PDE11A: variants seen among roughly 807,000 people sequenced by gnomAD.
PDE11A encodes the protein dual 3',5'-cyclic-AMP and -GMP phosphodiesterase 11A.
In PDE11A, 100 loss-of-function variants were observed where a neutral mutation model predicts 100.5. The ratio of observed to expected loss-of-function variants is 1.00; its 90% confidence interval spans 0.85 to 1.18. The LOEUF (loss-of-function observed/expected upper bound fraction) is 1.18. Among genes scored for constraint, PDE11A ranks in the 50% most tolerant of loss-of-function variants. The pLI, the probability that PDE11A is intolerant of heterozygous loss-of-function variation, is 0.00. For synonymous variants in PDE11A, 381 were observed against 420.8 expected, an observed-to-expected ratio of 0.91 and a Z score of 1.16; for missense variants, 1,141 against 1,152.6, an observed-to-expected ratio of 0.99 and a Z score of 0.15.
At chr2:177,717,630 A>G (rs1447909495) in intron 12 of PDE11A, among the ~76,000 whole-genome samples, 2 of 152,200 alleles carry the variant, frequency 1.3e-5, no homozygotes, top group Non-Finnish European at 2.9e-5. Context: ...GTAAAGAGTC[A>G]GCCAGGGCAT....
At chr2:177,836,600 T>C (rs551460028) in intron 6 of PDE11A, among the ~76,000 whole-genome samples, 2 of 152,330 alleles carry the variant, frequency 1.3e-5, no homozygotes, top group East Asian at 1.9e-4. Flanking sequence ...TTGGGTTCCC[T>C]ACCCCAGTGT....
chr2:177,899,270 C>T (rs1175082792), intron 3 of PDE11A, among the ~76,000 whole-genome samples: 2 of 152,040 alleles, frequency 1.3e-5, no homozygotes, highest in Non-Finnish European at 2.9e-5. Flanking sequence ...TTTAGCCAGG[C>T]ATGGTGGCAT....
chr2:178,078,471 T>TACATTC (rs3067450), intron 2 of PDE11A, among the ~76,000 whole-genome samples: 131,019 of 151,660 alleles, frequency 0.86, 57,208 homozygotes, highest in Non-Finnish European at 0.92. Context: ...GAAGCCCACC[T>TACATTC]ATAGTTGTAT....
intron 1 of PDE11A, among the ~76,000 whole-genome samples, chr2:178,065,934 A>G (rs932905275): frequency 2.0e-5 from 3 of 151,854 alleles, no homozygotes; most frequent in African/African-American, 7.2e-5. Flanking sequence ...TGAAGTACTA[A>G]ATATTGTTAT....
chr2:177,773,324 T>A (rs372737358), intron 9 of PDE11A, among the ~76,000 whole-genome samples: 2 of 152,218 alleles, frequency 1.3e-5, no homozygotes, highest in African/African-American at 4.8e-5. Flanking sequence ...CTTTCTAAAA[T>A]TTTTTTACTG....
At chr2:177,925,129 T>A (rs2085109155) in intron 2 of PDE11A, among the ~76,000 whole-genome samples, 1 of 150,634 alleles carries the variant, frequency 6.6e-6, no homozygotes, top group African/African-American at 2.4e-5. Flanking sequence ...CAGTCTATCA[T>A]TGTTGGACAT....
At chr2:177,885,378 G>A (rs544187127) in intron 4 of PDE11A, among the ~76,000 whole-genome samples, 153 of 152,212 alleles carry the variant, frequency 1.0e-3, no homozygotes, top group Non-Finnish European at 1.9e-3. Flanking sequence ...CATATCTGTG[G>A]GTTCTGCAGG....
At chr2:177,781,192 G>A (rs2365891) in intron 9 of PDE11A, among the ~76,000 whole-genome samples, 3,126 of 152,274 alleles carry the variant, frequency 0.021, 96 homozygotes, top group African/African-American at 0.071. Flanking sequence ...GAGGCCCAAG[G>A]AAAGGGAGAG....
chr2:177,942,819 G>C (rs549730526), intron 2 of PDE11A, among the ~76,000 whole-genome samples: 1 of 152,202 alleles, frequency 6.6e-6, no homozygotes, highest in East Asian at 1.9e-4. Flanking sequence ...CAGACCTTTA[G>C]AACTTTTATC....
intron 2 of PDE11A, among the ~76,000 whole-genome samples, chr2:177,988,515 C>T (rs1335947153): frequency 6.6e-6 from 1 of 152,194 alleles, no homozygotes; most frequent in Non-Finnish European, 1.5e-5. Context: ...AGCGTGCAAC[C>T]TGTGCAGTCA....
At chr2:177,814,445 G>T (rs1489683170) in intron 9 of PDE11A, among the ~76,000 whole-genome samples, 1 of 152,112 alleles carries the variant, frequency 6.6e-6, no homozygotes, top group Non-Finnish European at 1.5e-5. Flanking sequence ...AGGGAGCGGG[G>T]TGGATGCCAC....
intron 2 of PDE11A, among the ~76,000 whole-genome samples, chr2:177,941,096 G>A (rs1035900203): frequency 6.6e-5 from 10 of 152,278 alleles, no homozygotes; most frequent in African/African-American, 1.7e-4. Context: ...GCCAGCACTC[G>A]TTCAATCCCT....
chr2:177,919,349 G>A (rs1304586787), intron 2 of PDE11A, among the ~76,000 whole-genome samples: 4 of 151,926 alleles, frequency 2.6e-5, no homozygotes, highest in East Asian at 1.9e-4. Flanking sequence ...CGCCCACCTC[G>A]GCCTCCCAAA....
At chr2:177,727,413 G>GA (rs113834602) in intron 12 of PDE11A, among the ~76,000 whole-genome samples, 30 of 152,130 alleles carry the variant, frequency 2.0e-4, no homozygotes, top group African/African-American at 6.5e-4. Context: ...AGTTTACCAA[G>GA]AAAAAATACT....
intron 1 of PDE11A, among the ~76,000 whole-genome samples, chr2:178,059,449 G>A (rs2086940005): frequency 6.6e-6 from 1 of 152,196 alleles, no homozygotes; most frequent in Non-Finnish European, 1.5e-5. Context: ...TTTGGGGCTT[G>A]CCCATCTACC....
At chr2:177,674,092 A>T (rs7593744) in intron 17 of PDE11A, among the ~76,000 whole-genome samples, 1 of 152,104 alleles carries the variant, frequency 6.6e-6, no homozygotes, top group Non-Finnish European at 1.5e-5. Flanking sequence ...CTGATGCATC[A>T]TGTGAAGGAA....
intron 19 of PDE11A, among the ~76,000 whole-genome samples, chr2:177,637,851 T>C (rs1440046946): frequency 6.6e-6 from 1 of 150,678 alleles, no homozygotes; most frequent in African/African-American, 2.4e-5. Context: ...GTTTTTCTTT[T>C]GCAGGGCTTA....
chr2:177,996,470 T>TAC (rs2086076801), intron 2 of PDE11A, among the ~76,000 whole-genome samples: 1 of 55,254 alleles, frequency 1.8e-5, no homozygotes, highest in South Asian at 6.1e-4. Context: ...CATATATACA[T>TAC]ATATATATAT....
At chr2:177,850,330 A>C (rs1388286002) in intron 5 of PDE11A, among the ~76,000 whole-genome samples, 3 of 152,220 alleles carry the variant, frequency 2.0e-5, no homozygotes, top group African/African-American at 4.8e-5. Flanking sequence ...CTGGCTAGAC[A>C]TATGTAGAAA....
Sources: allele counts gnomAD v4.1 joint callset (sites outside exome capture counted in the v4.1 genomes callset), GRCh38; gene constraint gnomAD v4.1.1; transcripts MANE v1.5; gene names NCBI Gene and HGNC (gene_info 2026-07-23, HGNC 2026-07-21).